NELL1: variants seen among roughly 807,000 people sequenced by gnomAD.
The protein encoded by NELL1 is protein kinase C-binding protein NELL1.
NELL1 carries 76 observed loss-of-function variants against 107.4 expected under a neutral mutation model. The observed-to-expected ratio is 0.71, with a 90% CI of 0.59 to 0.86. The LOEUF (loss-of-function observed/expected upper bound fraction) is 0.86, where lower values mean the gene tolerates loss of function less well. Ranked by LOEUF, NELL1 falls within the 40% of genes least tolerant of loss-of-function variation. NELL1 has a pLI of 0.00. For synonymous variants in NELL1, 353 were observed against 341.2 expected, an observed-to-expected ratio of 1.03 and a Z score of -0.38; for missense variants, 1,024 against 1,005.5, an observed-to-expected ratio of 1.02 and a Z score of -0.25.
At chr11:20,714,874 C>T (rs1436259065) in intron 2 of NELL1, among the ~76,000 whole-genome samples, 1 of 152,006 alleles carries the variant, frequency 6.6e-6, no homozygotes, top group Non-Finnish European at 1.5e-5. Context: ...GTACGTTCAC[C>T]TTATATAAGT....
rs77498705 is a variant in NELL1 at position 20,968,532 on chromosome 11, T to C, written c.1300+7972T>C. Among the ~76,000 whole-genome samples the C allele has an allele frequency of 5.7e-3, 867 of 152,340 alleles. 12 individuals are homozygous for C. Among genetic ancestry groups the C allele is most frequent in the African/African-American group, 0.02 (822 of 41,584 alleles). On this transcript the variant is annotated intron_variant, in intron 12 of 19. Transcript: ENST00000357134. ...CTCAGTTCATGTAATGGTGAAACGCTGTGTGTTAACTTTATTTCATATGAA... is the reference window on the plus strand; with the variant it reads ...CTCAGTTCATGTAATGGTGAAACGCCGTGTGTTAACTTTATTTCATATGAA...
At chr11:21,258,408 A>T (rs188475600) in intron 14 of NELL1, among the ~76,000 whole-genome samples, 1 of 152,156 alleles carries the variant, frequency 6.6e-6, no homozygotes, top group East Asian at 1.9e-4. Context: ...AATAGAATGT[A>T]TATAAAATCA....
chr11:20,937,936 G>C (rs1880086), intron 10 of NELL1, 77 bp downstream of exon 10: 1,109,535 of 1,425,666 alleles, frequency 0.78, 437,168 homozygotes, highest in Non-Finnish European at 0.8. Flanking sequence ...TGAGGTTCTT[G>C]AGTGGGGCAT....
intron 15 of NELL1, among the ~76,000 whole-genome samples, chr11:21,461,642 C>T (rs970341781): frequency 6.6e-6 from 1 of 152,026 alleles, no homozygotes; most frequent in East Asian, 1.9e-4. Context: ...CTTACAACAA[C>T]TTTGAAGGCC....
At chr11:20,953,452 T>C (rs1658443281) in intron 11 of NELL1, among the ~76,000 whole-genome samples, 1 of 152,204 alleles carries the variant, frequency 6.6e-6, no homozygotes, top group Admixed American at 6.5e-5. Context: ...TTGATAACTA[T>C]AAACAACATA....
chr11:21,404,107 A>G (rs950254729), intron 15 of NELL1, among the ~76,000 whole-genome samples: 4 of 147,634 alleles, frequency 2.7e-5, no homozygotes, highest in Non-Finnish European at 4.5e-5. Context: ...CACAAAACAC[A>G]TGTGACAGTC....
At chr11:20,810,580 T>C (rs1011194436) in intron 3 of NELL1, among the ~76,000 whole-genome samples, 20 of 152,202 alleles carry the variant, frequency 1.3e-4, no homozygotes, top group African/African-American at 4.6e-4. Context: ...TAATATTCCA[T>C]AATATATATA....
chr11:21,150,523 G>A (rs1628441), intron 13 of NELL1, among the ~76,000 whole-genome samples: 66,863 of 151,950 alleles, frequency 0.44, 15,024 homozygotes, highest in East Asian at 0.6. Context: ...AAGGCAGTGG[G>A]GGTGGGTGAG....
intron 2 of NELL1, among the ~76,000 whole-genome samples, chr11:20,680,455 G>C (rs1854162925): frequency 6.6e-6 from 1 of 152,126 alleles, no homozygotes; most frequent in Non-Finnish European, 1.5e-5. Flanking sequence ...GTGAGACAGT[G>C]GGTATAATCC....
chr11:21,217,826 G>C (rs374378513), intron 13 of NELL1, among the ~76,000 whole-genome samples: 5 of 152,294 alleles, frequency 3.3e-5, no homozygotes, highest in African/African-American at 1.2e-4. Flanking sequence ...ATGTTTGTCA[G>C]GTAGTCGTTT....
chr11:21,436,584 C>T (rs1250241460), intron 15 of NELL1, among the ~76,000 whole-genome samples: 1 of 151,954 alleles, frequency 6.6e-6, no homozygotes, highest in Non-Finnish European at 1.5e-5. Flanking sequence ...TTCAAAAACA[C>T]AAATTTTCAT....
At chr11:21,332,282 G>A (rs183912632) in intron 14 of NELL1, among the ~76,000 whole-genome samples, 3 of 152,068 alleles carry the variant, frequency 2.0e-5, no homozygotes, top group African/African-American at 7.2e-5. Context: ...AGTGTTCTCT[G>A]TACAGTTTCC....
At chr11:21,210,201 G>A (rs1857470195) in intron 13 of NELL1, among the ~76,000 whole-genome samples, 1 of 152,124 alleles carries the variant, frequency 6.6e-6, no homozygotes, top group Non-Finnish European at 1.5e-5. Context: ...GAGTATCTGT[G>A]TACAGGTCTT....
chr11:21,315,950 A>G (rs1243571072), intron 14 of NELL1, among the ~76,000 whole-genome samples: 1 of 151,718 alleles, frequency 6.6e-6, no homozygotes, highest in African/African-American at 2.4e-5. Flanking sequence ...GAGTGTTTTA[A>G]AAGCTAAGAT....
chr11:21,066,336 T>C (rs1259121306), intron 12 of NELL1, among the ~76,000 whole-genome samples: 1 of 152,224 alleles, frequency 6.6e-6, no homozygotes, highest in African/African-American at 2.4e-5. Flanking sequence ...TAGTTGCCTG[T>C]GATAAGTATT....
intron 2 of NELL1, among the ~76,000 whole-genome samples, chr11:20,685,750 G>T (rs1299731599): frequency 6.6e-6 from 1 of 151,982 alleles, no homozygotes; most frequent in Admixed American, 6.6e-5. Flanking sequence ...TGTATCATCT[G>T]CCTTATGCAT....
intron 13 of NELL1, among the ~76,000 whole-genome samples, chr11:21,212,572 G>T (rs1260831219): frequency 2.0e-5 from 3 of 152,080 alleles, no homozygotes; most frequent in African/African-American, 7.2e-5. Context: ...AAAGTCACTG[G>T]AGTTCAGCAG....
At chr11:21,408,823 T>C (rs1426331288) in intron 15 of NELL1, among the ~76,000 whole-genome samples, 2 of 151,928 alleles carry the variant, frequency 1.3e-5, no homozygotes, top group Admixed American at 6.6e-5. Context: ...AAAAAACACA[T>C]GAAAAAATGC....
At chr11:21,409,924 G>A (rs1945433) in intron 15 of NELL1, among the ~76,000 whole-genome samples, 73,707 of 151,674 alleles carry the variant, frequency 0.49, 18,786 homozygotes, top group African/African-American at 0.64. Flanking sequence ...TTAATGAAAG[G>A]CAGGAAGAAA....
Sources: gnomAD v4.1 joint callset for allele counts (sites outside exome capture counted in the v4.1 genomes callset) on GRCh38, gnomAD v4.1.1 for gene constraint, MANE v1.5 for transcripts, NCBI Gene and HGNC (gene_info 2026-07-23, HGNC 2026-07-21) for gene names.